The following ENTPD1 variants were observed in gnomAD, a reference collection of about 807,000 sequenced individuals.
ENTPD1 encodes the protein ectonucleoside triphosphate diphosphohydrolase 1.
ENTPD1 carries 33 observed loss-of-function variants against 57.0 expected under a neutral mutation model. That is an observed-to-expected ratio of 0.58 (90% CI 0.44 to 0.77). The LOEUF (loss-of-function observed/expected upper bound fraction) is 0.77. Ranked by LOEUF, ENTPD1 falls within the 30% of genes least tolerant of loss-of-function variation. The pLI, the probability that ENTPD1 is intolerant of heterozygous loss-of-function variation, is 0.00. For synonymous variants in ENTPD1, 202 were observed against 218.8 expected (o/e 0.92, Z 0.68); for missense variants, 501 against 603.4 (o/e 0.83, Z 1.78).
intron 2 of ENTPD1, among the ~76,000 whole-genome samples, chr10:95,836,754 T>C (rs1679068554): frequency 6.6e-6 from 1 of 152,216 alleles, no homozygotes; most frequent in African/African-American, 2.4e-5. Context: ...GAAGCCCCTG[T>C]AGGCCTCGTA....
chr10:95,708,044 G>T (rs560503401), upstream of ENTPD1, among the ~76,000 whole-genome samples: 3 of 152,180 alleles, frequency 2.0e-5, no homozygotes, highest in East Asian at 1.9e-4. Context: ...CAATGAAAAA[G>T]TTTGATGACA....
upstream of ENTPD1, chr10:95,755,882 A>G (rs538484384): frequency 6.5e-4 from 990 of 1,514,544 alleles, 9 homozygotes; most frequent in South Asian, 6.5e-3. Flanking sequence ...GAAGAGAGGG[A>G]GAGAGAGATG....
In ENTPD1 at chr10:95,860,523, G is replaced by T. The variant is rs760917303; in HGVS notation, c.1129G>T (p.Val377Phe). The change falls in exon 8 of 10, where the codon GTC (valine) becomes TTC (phenylalanine). Residue 377 changes from valine (V) to phenylalanine (F), a missense_variant. By Grantham distance (50) the Val-to-Phe change is conservative (BLOSUM62 -1). Coordinates refer to ENST00000371205, the MANE Select transcript of ENTPD1 (RefSeq NM_001776.6). ...MKFLNLTSEK[V>F]SQEKVTEMMK... Reference sequence around the variant, plus strand: ...GTTTTTAAACTTGACATCAGAGAAAGTCTCTCAGGAAAAGGTGACTGAGAT... The same window carrying T: ...GTTTTTAAACTTGACATCAGAGAAATTCTCTCAGGAAAAGGTGACTGAGAT... 1 of 1,614,000 alleles carries T rather than the reference G, an allele frequency of 6.2e-7. No individual in the cohort carries two copies. The highest frequency in any genetic ancestry group is 1.3e-5 in the African/African-American group (1 of 75,044).
At chr10:95,828,720 T>C (rs990500475) in intron 2 of ENTPD1, among the ~76,000 whole-genome samples, 2 of 151,862 alleles carry the variant, frequency 1.3e-5, no homozygotes, top group African/African-American at 4.8e-5. Context: ...TTTTTTTTTT[T>C]TTTTTTTGAG....
chr10:95,745,430 T>C (rs1030981497), intron 1 of ENTPD1, among the ~76,000 whole-genome samples: 1 of 152,172 alleles, frequency 6.6e-6, no homozygotes, highest in Non-Finnish European at 1.5e-5. Context: ...TCCTCCTGAA[T>C]TGGCCTCCCA....
intron 1 of ENTPD1, among the ~76,000 whole-genome samples, chr10:95,764,788 T>A (rs2098082010): frequency 6.8e-6 from 1 of 147,882 alleles, no homozygotes; most frequent in Admixed American, 7.1e-5. Context: ...GATGGCGTGA[T>A]TTTGGCTCAC....
rs375608692 is a variant in ENTPD1, at chr10:95,847,695, G to C, written c.1063G>C (p.Gly355Arg). 2.5e-6 allele frequency: 4 copies of C among 1,614,086 alleles called. No individual in the cohort carries two copies. The highest frequency in any genetic ancestry group is 3.4e-6 in the Non-Finnish European group (4 of 1,179,982). Residue 355 changes from glycine to arginine, a missense_variant, in exon 7 of 10, where the codon GGG becomes CGG. Physicochemically the swap from Gly to Arg is moderately radical, Grantham distance 125 (BLOSUM62 -2). Transcript: ENST00000371205. ...TGGGATTTTCTTGCCACCACTCCAG[G>C]GGGATTTTGGGGTAAGTTTGTGAAA... The part of the protein sequence containing the change: ...FNGIFLPPLQ[G>R]DFGAFSAFYF...
chr10:95,702,767 T>C, the ENTPD1 span, among the ~76,000 whole-genome samples: 3 of 152,156 alleles, frequency 2.0e-5, no homozygotes, highest in African/African-American at 4.8e-5. Flanking sequence ...ACATATTACC[T>C]TCAAAACAGC....
At chr10:95,826,221 A>G (rs1055654400) in intron 2 of ENTPD1, among the ~76,000 whole-genome samples, 8 of 152,144 alleles carry the variant, frequency 5.3e-5, no homozygotes, top group Admixed American at 3.3e-4. Context: ...AAAAAATGAT[A>G]CTAAAATAAT....
chr10:95,697,434 G>A, the ENTPD1 span, among the ~76,000 whole-genome samples: 1 of 152,182 alleles, frequency 6.6e-6, no homozygotes, highest in African/African-American at 2.4e-5. Flanking sequence ...TACTAGGTTT[G>A]CGTGTCTCCT....
chr10:95,796,960 C>T (rs895839887), intron 1 of ENTPD1, among the ~76,000 whole-genome samples: 1 of 151,964 alleles, frequency 6.6e-6, no homozygotes, highest in African/African-American at 2.4e-5. Flanking sequence ...TAGTCCCTAG[C>T]TACTCAGGAG....
At chr10:95,710,404 A>C (rs2097964560), upstream of ENTPD1, among the ~76,000 whole-genome samples, 1 of 152,006 alleles carries the variant, frequency 6.6e-6, no homozygotes, top group Non-Finnish European at 1.5e-5. Context: ...GACTGTTTTA[A>C]AAAAAATTTT....
At chr10:95,725,367 C>T (rs542352321) in intron 1 of ENTPD1, among the ~76,000 whole-genome samples, 32 of 152,228 alleles carry the variant, frequency 2.1e-4, no homozygotes, top group Middle Eastern at 3.4e-3. Flanking sequence ...TATTCCCCCT[C>T]GGTGAGTATG....
chr10:95,814,851 A>G (rs533953890), intron 1 of ENTPD1, among the ~76,000 whole-genome samples: 7 of 151,662 alleles, frequency 4.6e-5, no homozygotes. Flanking sequence ...CTTTCTTTTC[A>G]TTCTCACCCC....
chr10:95,872,415 G>A lies in ENTPD1; in HGVS notation c.*6032G>A, dbSNP rs1421696410. The A allele has an allele frequency of 2.0e-6, 2 of 985,410 alleles. No individual in the cohort carries two copies. Among genetic ancestry groups the A allele is most frequent in the East Asian group, 1.1e-4 (1 of 8,822 alleles). 61.0% of individuals were successfully genotyped at this position (985,410 alleles called of 1,614,324 possible). ...ATACTACACTACAGCCAGGTAGAAT[G>A]ACTGTTCACCCAACACCACTCAGGT... On this transcript the variant is annotated 3_prime_UTR_variant, in exon 10 of 10. Transcript: ENST00000371205.
intron 2 of ENTPD1, among the ~76,000 whole-genome samples, chr10:95,831,103 C>T (rs1187626065): frequency 2.0e-5 from 3 of 152,126 alleles, no homozygotes; most frequent in Non-Finnish European, 4.4e-5. Context: ...GACAAAATTC[C>T]TTTGAGGACC....
rs1347211547 is a variant in ENTPD1 at position 95,875,128 on chromosome 10, T to C, written c.*8745T>C. ...CTTATGCAAATTTCTGCAGCCAGCT[T>C]GAATTTCTCCTTAAAAAAAATGGGT... On this transcript the variant is annotated 3_prime_UTR_variant, in exon 10 of 10. Coordinates refer to ENST00000371205, the MANE Select transcript of ENTPD1 (RefSeq NM_001776.6). 6.6e-6 allele frequency: 1 copy of C among 152,230 alleles called. No individual in the cohort carries two copies. The highest frequency in any genetic ancestry group is 1.5e-5 in the Non-Finnish European group (1 of 68,034). The allele number at this position is 152,230 out of a possible 1,614,324, so 9.4% of individuals were successfully genotyped here.
At chr10:95,839,408 A>G (rs746017912) in intron 2 of ENTPD1, 3 of 432,196 alleles carry the variant, frequency 6.9e-6, no homozygotes, top group East Asian at 4.8e-5. Flanking sequence ...TTGGCTGCAC[A>G]TTAGAATCAC....
intron 1 of ENTPD1, among the ~76,000 whole-genome samples, chr10:95,727,126 G>A (rs757731427): frequency 2.6e-4 from 40 of 152,106 alleles, no homozygotes; most frequent in Non-Finnish European, 5.7e-4. Flanking sequence ...AGATTTGTTT[G>A]GACAAAACAT....
Sources: gnomAD v4.1 joint callset for allele counts (sites outside exome capture counted in the v4.1 genomes callset) on GRCh38, gnomAD v4.1.1 for gene constraint, MANE v1.5 for transcripts, NCBI Gene and HGNC (gene_info 2026-07-23, HGNC 2026-07-21) for gene names.